TEAD3: variants seen among roughly 807,000 people sequenced by gnomAD.
TEAD3 encodes TEA domain transcription factor 3.
TEAD3 carries 15 observed loss-of-function variants against 55.6 expected under a neutral mutation model. The ratio of observed to expected loss-of-function variants is 0.27; its 90% CI spans 0.18 to 0.42. The LOEUF is 0.42. Among genes scored for constraint, TEAD3 ranks in the 10% least tolerant of loss-of-function variants. The probability of loss-of-function intolerance (pLI) is 1.00; values close to 1 mark genes in which losing one functional copy is unlikely to be tolerated. For missense variants in TEAD3, 407 were observed against 576.8 expected (o/e 0.71, Z 3.01); for synonymous variants, 210 against 232.2 (o/e 0.90, Z 0.87).
intron 1 of TEAD3, among the ~76,000 whole-genome samples, chr6:35,490,107 C>T (rs1026148549): frequency 4.6e-5 from 7 of 152,110 alleles, no homozygotes; most frequent in Non-Finnish European, 7.4e-5. Flanking sequence ...CGAGCAGCAG[C>T]GGCCCAGGCA....
intron 1 of TEAD3, among the ~76,000 whole-genome samples, chr6:35,493,782 C>T (rs1196110383): frequency 6.6e-6 from 1 of 152,268 alleles, no homozygotes; most frequent in Non-Finnish European, 1.5e-5. Flanking sequence ...CGCCCGCGCG[C>T]TCACATACAC....
intron 1 of TEAD3, among the ~76,000 whole-genome samples, chr6:35,490,153 C>T (rs1381480642): frequency 6.6e-6 from 1 of 152,198 alleles, no homozygotes. Context: ...CTGCCTCCCC[C>T]AAGTCCCTGC....
Position 35,484,553 on chromosome 6 carries a change from T to C in TEAD3, c.267+7A>G. ...GGTGGCAGGCCCAGCATAAACCGTC[T>C]CTCTACCTGTTTTCTCGTCCGAGTC... On this transcript the variant is annotated splice_region_variant and intron_variant, in intron 3 of 12. Transcript: ENST00000639578. This position sits in a 1 kb window ranked among gnomAD's most constrained non-coding sequence, Gnocchi z 5.8. The C allele has an allele frequency of 6.2e-7, 1 of 1,600,372 alleles. No homozygotes were observed. Among genetic ancestry groups the C allele is most frequent in the Non-Finnish European group, 8.5e-7 (1 of 1,173,436 alleles).
chr6:35,495,886 C>T (rs1324887910), intron 1 of TEAD3, among the ~76,000 whole-genome samples: 5 of 152,220 alleles, frequency 3.3e-5, no homozygotes, highest in African/African-American at 1.2e-4. Context: ...TCTGCCCCTA[C>T]CTGGAAAGAG....
rs992762437 is a variant in TEAD3, at chr6:35,480,146, A to G, written c.268-24T>C. The G allele has an allele frequency of 1.9e-6, 3 of 1,548,830 alleles. No homozygotes were observed. In the South Asian group the frequency reaches 3.6e-5, roughly 19 times the overall value. Reference sequence around the variant, plus strand: ...ACCTGTAGAGAGAGAAAGAAAGAGAAAAAGAACAGAAAGAGCGGAAGGAGA... The same window carrying G: ...ACCTGTAGAGAGAGAAAGAAAGAGAGAAAGAACAGAAAGAGCGGAAGGAGA... On this transcript the variant is annotated intron_variant, in intron 3 of 12. Coordinates refer to ENST00000639578, the Ensembl canonical transcript of TEAD3.
Position 35,491,811 on chromosome 6 carries a change from G to A in TEAD3, c.-50+5087C>T, listed in dbSNP as rs1316783723. 1.3e-5 allele frequency among the ~76,000 whole-genome samples: 2 copies of A among 152,192 alleles called. No individual in the cohort carries two copies. Reference sequence around the variant, plus strand: ...GCTTTGGGGCCCTGGGGAAGATAAGGGGCACCTTGCTGCCCACCCCCACCC... The same window carrying A: ...GCTTTGGGGCCCTGGGGAAGATAAGAGGCACCTTGCTGCCCACCCCCACCC... On this transcript the variant is annotated intron_variant, in intron 1 of 12. Coordinates refer to ENST00000639578, the Ensembl canonical transcript of TEAD3. This position sits in a 1 kb window ranked among gnomAD's most constrained non-coding sequence, Gnocchi z 4.4.
At position 35,486,813 on chromosome 6, in the gene TEAD3, G is replaced by A. The variant is rs1768393206; in HGVS notation, c.-49-102C>T. 1.3e-6 allele frequency: 1 copy of A among 787,316 alleles called. No individual in the cohort carries two copies. The highest frequency in any genetic ancestry group is 1.8e-5 in the South Asian group (1 of 54,902). 48.8% of individuals were successfully genotyped at this position (787,316 alleles called of 1,614,324 possible). On this transcript the variant is annotated intron_variant, in intron 1 of 12. Transcript: ENST00000639578. The surrounding 1 kb of genome is among the most constrained non-coding windows in gnomAD (Gnocchi z 7.3). The stretch of plus-strand genomic sequence containing the variant: ...TCTGGAGCTCCGCCCCCAGCCCCAA[G>A]CCCACCCTAGGAGCAGGTGCTCCAG...
At chr6:35,494,699 G>A (rs1044864769) in intron 1 of TEAD3, among the ~76,000 whole-genome samples, 2 of 152,158 alleles carry the variant, frequency 1.3e-5, no homozygotes, top group Non-Finnish European at 2.9e-5. Flanking sequence ...CAGGACCAGC[G>A]ATTTCCACAC....
downstream of TEAD3, chr6:35,474,765 T>C: frequency 2.5e-6 from 1 of 404,148 alleles, no homozygotes. Context: ...CCCACCTCTC[T>C]GAGGTCACGC....
chr6:35,494,756 G>C (rs1355061804), intron 1 of TEAD3, among the ~76,000 whole-genome samples: 1 of 152,060 alleles, frequency 6.6e-6, no homozygotes, highest in Non-Finnish European at 1.5e-5. Flanking sequence ...GCAGAGGGTA[G>C]AGCCACCCAA....
chr6:35,482,465 T>C lies in TEAD3; in HGVS notation c.267+2095A>G, dbSNP rs144623248. Among the ~76,000 whole-genome samples the C allele has an allele frequency of 6.6e-5, 10 of 152,322 alleles. 1 individual carries two copies. In the East Asian group the frequency reaches 1.9e-3, roughly 29 times the overall value. On this transcript the variant is annotated intron_variant, in intron 3 of 12. Transcript: ENST00000639578. Reference sequence around the variant, plus strand: ...CCCTTATAATGAAGACAGTGGTTTCTAAAATTCTGAGCTTATCAACAGCTG... The same window carrying C: ...CCCTTATAATGAAGACAGTGGTTTCCAAAATTCTGAGCTTATCAACAGCTG...
In TEAD3 at chr6:35,475,559, C is replaced by G. The variant is rs778417519; in HGVS notation, c.1041+7G>C. ...GCCCCACCAAGCCACCCAGAGCCCCCACTCACCTCCACCTTCTCTACCACC... is the reference window on the plus strand; with the variant it reads ...GCCCCACCAAGCCACCCAGAGCCCCGACTCACCTCCACCTTCTCTACCACC... On this transcript the variant is annotated splice_region_variant and intron_variant, in intron 11 of 12. Transcript: ENST00000639578. The surrounding 1 kb of genome is among the most constrained non-coding windows in gnomAD (Gnocchi z 5.4). 4 of 1,607,724 alleles carry G rather than the reference C, an allele frequency of 2.5e-6. No homozygotes were observed. The highest frequency in any genetic ancestry group is 3.3e-5 in the Admixed American group (2 of 59,744).
intron 5 of TEAD3, 130 bp downstream of exon 5, chr6:35,479,175 G>T: frequency 8.2e-7 from 1 of 1,214,882 alleles, no homozygotes; most frequent in Non-Finnish European, 1.2e-6. Flanking sequence ...ACCACGCCCA[G>T]CCATTTCGTT....
rs1244724448 is a variant in TEAD3 at position 35,485,378 on chromosome 6, G to C, written c.203-754C>G. Among the ~76,000 whole-genome samples, 1 of 152,130 alleles carries C rather than the reference G, an allele frequency of 6.6e-6. No individual in the cohort carries two copies. Among genetic ancestry groups the C allele is most frequent in the East Asian group, 1.9e-4 (1 of 5,182 alleles). On this transcript the variant is annotated intron_variant, in intron 2 of 12. Coordinates refer to ENST00000639578, the Ensembl canonical transcript of TEAD3. The surrounding 1 kb of genome is among the most constrained non-coding windows in gnomAD (Gnocchi z 4.3). ...CCCTCTGAGGGCCCAAAAGCTGCCA[G>C]TGTCCAGGGACTTGGGCCTGAAAGG...
chr6:35,476,539 G>A lies in TEAD3; in HGVS notation c.593-104C>T, dbSNP rs1010451130. 5.4e-6 allele frequency: 8 copies of A among 1,477,300 alleles called. No individual in the cohort carries two copies. The African/African-American group carries it at 1.0e-4, about 19-fold the overall frequency. 91.5% of individuals were successfully genotyped at this position (1,477,300 alleles called of 1,614,324 possible). A position where few individuals can be genotyped will look rare whatever the true frequency, so the allele number is the denominator to read the frequency against. ...GTGCCCCTTTTGGGAAGGAACATGA[G>A]TTGGATTTTGACTCCCCTACTATGT... is the stretch of plus-strand genomic sequence containing the variant. On this transcript the variant is annotated intron_variant, in intron 8 of 12. Transcript: ENST00000639578.
At position 35,496,033 on chromosome 6, in the gene TEAD3, C is replaced by T. The variant is rs1056281287; in HGVS notation, c.-50+865G>A. On this transcript the variant is annotated intron_variant, in intron 1 of 12. Coordinates refer to ENST00000639578, the Ensembl canonical transcript of TEAD3. This position sits in a 1 kb window ranked among gnomAD's most constrained non-coding sequence, Gnocchi z 4.8. The stretch of plus-strand genomic sequence containing the variant: ...CAGAGCGGGGTCTCAATGACACTGC[C>T]CCAGGGCCCAGCTGGGCTGGAAAAC... 1.3e-5 allele frequency among the ~76,000 whole-genome samples: 2 copies of T among 152,210 alleles called. No homozygotes were observed. The highest frequency in any genetic ancestry group is 4.8e-5 in the African/African-American group (2 of 41,462).
In TEAD3 at chr6:35,483,765, A is replaced by G. The variant is rs1768310625; in HGVS notation, c.267+795T>C. Among the ~76,000 whole-genome samples the G allele has an allele frequency of 6.6e-6, 1 of 151,410 alleles. No homozygotes were observed. Among genetic ancestry groups the G allele is most frequent in the African/African-American group, 2.4e-5 (1 of 41,128 alleles). ...TCTCCTGCTGAGTGTCCCCTACCCCAGCAGTCCCCACCCTCCCTCCACCAC... is the reference window on the plus strand; with the variant it reads ...TCTCCTGCTGAGTGTCCCCTACCCCGGCAGTCCCCACCCTCCCTCCACCAC... On this transcript the variant is annotated intron_variant, in intron 3 of 12. Coordinates refer to ENST00000639578, the Ensembl canonical transcript of TEAD3. This position sits in a 1 kb window ranked among gnomAD's most constrained non-coding sequence, Gnocchi z 4.5.
chr6:35,478,258 T>C lies in TEAD3; in HGVS notation c.530+17A>G, dbSNP rs1168687843. 1 of 1,612,866 alleles carries C rather than the reference T, an allele frequency of 6.2e-7. No homozygotes were observed. The highest frequency in any genetic ancestry group is 1.7e-5 in the Admixed American group (1 of 60,002). ...CCAGGAGGAAGAGGGCGTGGGATGA[T>C]GAGCCACAATACTCACTCCTGAGAG... On this transcript the variant is annotated intron_variant, in intron 7 of 12. Transcript: ENST00000639578.
At chr6:35,478,883 T>C (rs867965229) in intron 5 of TEAD3, among the ~76,000 whole-genome samples, 172 of 148,038 alleles carry the variant, frequency 1.2e-3, no homozygotes, top group Middle Eastern at 3.5e-3. Context: ...TTTTCTTTTT[T>C]TTTTTTTTTT....
Sources: allele counts gnomAD v4.1 joint callset (sites outside exome capture counted in the v4.1 genomes callset), GRCh38; gene constraint gnomAD v4.1.1; non-coding constraint Gnocchi (gnomAD v3.1); transcripts MANE v1.5; gene names NCBI Gene and HGNC (gene_info 2026-07-23, HGNC 2026-07-21).